FSTL4: variants seen among roughly 807,000 people sequenced by gnomAD.
FSTL4 encodes follistatin-related protein 4.
Under a neutral mutation model 78.2 loss-of-function variants are expected in FSTL4, and 28 were observed. The ratio of observed to expected loss-of-function variants is 0.36; its 90% CI spans 0.27 to 0.49. The LOEUF is 0.49. Among genes scored for constraint, FSTL4 ranks in the 20% least tolerant of loss-of-function variants. The pLI, the probability that FSTL4 is intolerant of heterozygous loss-of-function variation, is 0.98. For missense variants in FSTL4, 922 were observed against 1,084.9 expected, an observed-to-expected ratio of 0.85 and a Z score of 2.11; for synonymous variants, 422 against 440.5, an observed-to-expected ratio of 0.96 and a Z score of 0.53.
At chr5:133,554,600 A>G (rs562198827) in intron 3 of FSTL4, among the ~76,000 whole-genome samples, 1 of 152,242 alleles carries the variant, frequency 6.6e-6, no homozygotes, top group Non-Finnish European at 1.5e-5. Flanking sequence ...TTTCCTAAAC[A>G]GACAGACAGT....
At chr5:133,407,922 A>T (rs10055653) in intron 3 of FSTL4, among the ~76,000 whole-genome samples, 2 of 152,202 alleles carry the variant, frequency 1.3e-5, no homozygotes, top group African/African-American at 4.8e-5. Context: ...ACGCTGATTC[A>T]GAGGAGGACT....
the FSTL4 span, among the ~76,000 whole-genome samples, chr5:133,841,627 G>C: frequency 2.6e-5 from 4 of 152,186 alleles, no homozygotes; most frequent in Non-Finnish European, 5.9e-5. Flanking sequence ...GTTGACAGTA[G>C]AGGACGGTAA....
chr5:133,736,071 G>A, the FSTL4 span, among the ~76,000 whole-genome samples: 3 of 152,328 alleles, frequency 2.0e-5, no homozygotes, highest in South Asian at 2.1e-4. Context: ...CACAGTGCCT[G>A]GAGGATGGAG....
At chr5:133,693,773 G>A in the FSTL4 span, among the ~76,000 whole-genome samples, 1 of 152,176 alleles carries the variant, frequency 6.6e-6, no homozygotes, top group African/African-American at 2.4e-5. Context: ...TGTAAGTCTT[G>A]GAGTCTAAAG....
chr5:133,820,380 T>C, the FSTL4 span, among the ~76,000 whole-genome samples: 4 of 152,254 alleles, frequency 2.6e-5, no homozygotes, highest in Non-Finnish European at 5.9e-5. Flanking sequence ...TATGCTATTA[T>C]AGTGCCATCA....
At chr5:133,534,130 A>G (rs1380047268) in intron 3 of FSTL4, among the ~76,000 whole-genome samples, 1 of 152,168 alleles carries the variant, frequency 6.6e-6, no homozygotes. Context: ...CCTGGAAAAT[A>G]AACTGGTTGT....
the FSTL4 span, among the ~76,000 whole-genome samples, chr5:133,799,569 C>G: frequency 7.2e-6 from 1 of 138,500 alleles, no homozygotes; most frequent in African/African-American, 2.6e-5. Context: ...CCTGGGAGCC[C>G]ACTCAGACTC....
At chr5:133,719,748 T>C in the FSTL4 span, among the ~76,000 whole-genome samples, 1 of 151,610 alleles carries the variant, frequency 6.6e-6, no homozygotes. Flanking sequence ...AATATAGGCA[T>C]TAATACTATA....
chr5:133,265,133 C>T (rs1333138422), intron 6 of FSTL4, among the ~76,000 whole-genome samples: 3 of 152,022 alleles, frequency 2.0e-5, no homozygotes, highest in Admixed American at 2.0e-4. Context: ...TGGGTCTGTG[C>T]AGCACCACCT....
chr5:133,579,257 T>C (rs1212930587), intron 2 of FSTL4, among the ~76,000 whole-genome samples: 1 of 152,214 alleles, frequency 6.6e-6, no homozygotes, highest in East Asian at 1.9e-4. Flanking sequence ...ATTGCTAGAA[T>C]GAAATCAGAT....
At chr5:133,369,053 G>A (rs1204306427) in intron 4 of FSTL4, among the ~76,000 whole-genome samples, 1 of 152,152 alleles carries the variant, frequency 6.6e-6, no homozygotes, top group African/African-American at 2.4e-5. Flanking sequence ...CCCAATAGAC[G>A]AAGAAGCCTC....
At chr5:133,702,814 G>A in the FSTL4 span, among the ~76,000 whole-genome samples, 3 of 152,312 alleles carry the variant, frequency 2.0e-5, no homozygotes, top group East Asian at 3.9e-4. Context: ...AGGGCTGTTC[G>A]TACGCAGAGC....
chr5:133,415,666 C>G (rs1580694321), intron 3 of FSTL4, among the ~76,000 whole-genome samples: 1 of 152,156 alleles, frequency 6.6e-6, no homozygotes, highest in African/African-American at 2.4e-5. Context: ...CTTTGTCGGT[C>G]TCCGGTAGCA....
intron 6 of FSTL4, among the ~76,000 whole-genome samples, chr5:133,289,187 G>C (rs1419610782): frequency 6.6e-6 from 1 of 152,186 alleles, no homozygotes; most frequent in Non-Finnish European, 1.5e-5. Flanking sequence ...TGAAAATGAG[G>C]TCACAACCCC....
rs1000900068 is a variant in FSTL4 at position 133,437,177 on chromosome 5, A to C, written c.161-36191T>G. The stretch of plus-strand genomic sequence containing the variant: ...TGGCAGGAAGGTTAGTGATGGGGAA[A>C]GACCATGAGTTTAGATTTGGACATT... On this transcript the variant is annotated intron_variant, in intron 3 of 15. Coordinates refer to ENST00000265342, the MANE Select transcript of FSTL4 (RefSeq NM_015082.2). 9.7e-4 allele frequency among the ~76,000 whole-genome samples: 148 copies of C among 152,172 alleles called. 1 individual carries two copies. Among genetic ancestry groups the C allele is most frequent in the Non-Finnish European group, 1.3e-4 (9 of 68,046 alleles).
intron 7 of FSTL4, among the ~76,000 whole-genome samples, chr5:133,245,737 G>T (rs1477033401): frequency 6.6e-6 from 1 of 152,152 alleles, no homozygotes; most frequent in Non-Finnish European, 1.5e-5. Context: ...ACACACGATT[G>T]GGTGACTCAT....
At chr5:133,263,794 G>T (rs901216245) in intron 6 of FSTL4, among the ~76,000 whole-genome samples, 3 of 152,224 alleles carry the variant, frequency 2.0e-5, no homozygotes, top group Middle Eastern at 3.2e-3. Flanking sequence ...AGGGAGAATT[G>T]TATGCTACAA....
chr5:133,462,979 G>C (rs900392366), intron 3 of FSTL4, among the ~76,000 whole-genome samples: 2 of 152,234 alleles, frequency 1.3e-5, no homozygotes, highest in African/African-American at 4.8e-5. Context: ...CAAGCAACCA[G>C]AGTCTGGCTT....
the FSTL4 span, among the ~76,000 whole-genome samples, chr5:133,749,024 C>T: frequency 4.6e-5 from 7 of 152,242 alleles, no homozygotes; most frequent in Admixed American, 1.3e-4. Context: ...ATTGGTGCCT[C>T]GGGCAGGAGG....
Sources: gnomAD v4.1 joint callset for allele counts (sites outside exome capture counted in the v4.1 genomes callset) on GRCh38, gnomAD v4.1.1 for gene constraint, MANE v1.5 for transcripts, NCBI Gene and HGNC (gene_info 2026-07-23, HGNC 2026-07-21) for gene names.